Variants in SIK2 observed in about 807,000 individuals in gnomAD.
The protein encoded by SIK2 is serine/threonine-protein kinase SIK2.
In SIK2, 29 loss-of-function variants were observed where a neutral mutation model predicts 103.2. The observed-to-expected ratio is 0.28, with a 90% CI of 0.21 to 0.38. SIK2 has a LOEUF of 0.38. Ranked by LOEUF, SIK2 falls within the 10% of genes least tolerant of loss-of-function variation. The probability of loss-of-function intolerance (pLI) is 1.00; values close to 1 mark genes in which losing one functional copy is unlikely to be tolerated. For synonymous variants in SIK2, 412 were observed against 446.1 expected, an observed-to-expected ratio of 0.92 and a Z score of 0.96; for missense variants, 879 against 1,171.0, an observed-to-expected ratio of 0.75 and a Z score of 3.64.
At chr11:111,674,717 A>G (rs760025531) in intron 3 of SIK2, among the ~76,000 whole-genome samples, 1 of 152,186 alleles carries the variant, frequency 6.6e-6, no homozygotes, top group Non-Finnish European at 1.5e-5. Context: ...CAATATTGGA[A>G]ATTGTATACC....
intron 1 of SIK2, among the ~76,000 whole-genome samples, chr11:111,612,487 C>T (rs969196284): frequency 6.6e-6 from 1 of 152,156 alleles, no homozygotes; most frequent in East Asian, 1.9e-4. Context: ...TCTGGGCCTA[C>T]AGCTGGACTG....
At chr11:111,720,438 C>T (rs766787024) in intron 10 of SIK2, 40 bp from the exon 11 acceptor site, 2 of 1,546,168 alleles carry the variant, frequency 1.3e-6, no homozygotes, top group South Asian at 2.5e-5. Context: ...CAAGGAGATG[C>T]TATTGCTGTT....
At chr11:111,628,771 C>A (rs1335515565) in intron 3 of SIK2, among the ~76,000 whole-genome samples, 2 of 152,062 alleles carry the variant, frequency 1.3e-5, no homozygotes, top group African/African-American at 4.8e-5. Context: ...ACCTTCATTT[C>A]CCTAAATAAT....
At chr11:111,607,273 T>C (rs1198759434) in intron 1 of SIK2, among the ~76,000 whole-genome samples, 1 of 152,236 alleles carries the variant, frequency 6.6e-6, no homozygotes, top group East Asian at 1.9e-4. Flanking sequence ...ATTTGTTTGC[T>C]AAAAAGCTTT....
intron 3 of SIK2, among the ~76,000 whole-genome samples, chr11:111,644,837 T>C (rs1942234591): frequency 2.0e-5 from 3 of 152,228 alleles, no homozygotes; most frequent in Admixed American, 2.0e-4. Flanking sequence ...ACATAAGCAT[T>C]TTTTGAGTCA....
chr11:111,669,657 T>C (rs1439780681), intron 3 of SIK2, among the ~76,000 whole-genome samples: 4 of 150,720 alleles, frequency 2.7e-5, no homozygotes, highest in African/African-American at 9.8e-5. Flanking sequence ...ATAGACTGAG[T>C]TGGAAAACTT....
chr11:111,688,538 A>C lies in SIK2; in HGVS notation c.478+376A>C, dbSNP rs1565356093. Among the ~76,000 whole-genome samples the C allele has an allele frequency of 6.6e-6, 1 of 152,218 alleles. No homozygotes were observed. Among genetic ancestry groups the C allele is most frequent in the Non-Finnish European group, 1.5e-5 (1 of 68,038 alleles). On this transcript the variant is annotated intron_variant, in intron 4 of 14. Coordinates refer to ENST00000304987, the MANE Select transcript of SIK2 (RefSeq NM_015191.3). This position sits in a 1 kb window ranked among gnomAD's most constrained non-coding sequence, Gnocchi z 4.2. ...TCTCCTAATTATGACTGATGGCTAC[A>C]GCCAGAAGCAGAGAAAAGGCAAAAG...
chr11:111,675,651 A>G (rs1942693770), intron 3 of SIK2, among the ~76,000 whole-genome samples: 1 of 152,198 alleles, frequency 6.6e-6, no homozygotes, highest in Non-Finnish European at 1.5e-5. Context: ...TTGATTTACT[A>G]GTTAGCTAAC....
At chr11:111,694,924 C>A (rs1943034717) in intron 4 of SIK2, among the ~76,000 whole-genome samples, 1 of 152,190 alleles carries the variant, frequency 6.6e-6, no homozygotes, top group South Asian at 2.1e-4. Context: ...TCAGCAGGAT[C>A]ACATTTCATC....
chr11:111,614,550 A>G (rs1293527559), intron 1 of SIK2, among the ~76,000 whole-genome samples: 1 of 152,242 alleles, frequency 6.6e-6, no homozygotes, highest in Admixed American at 6.5e-5. Context: ...CAAGGAAAAT[A>G]CATTTATTAC....
intron 8 of SIK2, 136 bp from the exon 9 acceptor site, chr11:111,712,075 A>G (rs1430100562): frequency 4.3e-6 from 4 of 924,100 alleles, no homozygotes; most frequent in Non-Finnish European, 6.5e-6. Context: ...ATTTCACTAA[A>G]TCTTTCTGGA....
chr11:111,638,478 G>C (rs896090782), intron 3 of SIK2, among the ~76,000 whole-genome samples: 1 of 152,114 alleles, frequency 6.6e-6, no homozygotes, highest in Non-Finnish European at 1.5e-5. Context: ...CTGAGTCTTT[G>C]GGGCATTCTA....
chr11:111,625,575 A>G (rs1200263344), intron 3 of SIK2, among the ~76,000 whole-genome samples: 2 of 152,208 alleles, frequency 1.3e-5, no homozygotes, highest in African/African-American at 4.8e-5. Flanking sequence ...CCAAGTGACC[A>G]AAGTATTCTC....
At chr11:111,680,797 A>T (rs1221480385) in intron 3 of SIK2, among the ~76,000 whole-genome samples, 1 of 152,248 alleles carries the variant, frequency 6.6e-6, no homozygotes, top group Non-Finnish European at 1.5e-5. Flanking sequence ...TTTATTGAGC[A>T]TTTATTATGT....
chr11:111,615,676 T>G (rs1941796606), intron 1 of SIK2, among the ~76,000 whole-genome samples: 1 of 152,226 alleles, frequency 6.6e-6, no homozygotes, highest in South Asian at 2.1e-4. Flanking sequence ...AAAGTTAAAT[T>G]TTAGTGCAGT....
chr11:111,690,810 T>C (rs1942926917), intron 4 of SIK2, among the ~76,000 whole-genome samples: 1 of 152,220 alleles, frequency 6.6e-6, no homozygotes, highest in Non-Finnish European at 1.5e-5. Context: ...TATGTCTGCG[T>C]AGTATTCCAT....
chr11:111,698,879 T>G (rs957272754), intron 4 of SIK2, among the ~76,000 whole-genome samples: 2 of 152,234 alleles, frequency 1.3e-5, no homozygotes, highest in African/African-American at 2.4e-5. Flanking sequence ...TGCTGCTTTA[T>G]CCTGTGAGTG....
chr11:111,642,204 A>G (rs1346358596), intron 3 of SIK2, among the ~76,000 whole-genome samples: 2 of 152,152 alleles, frequency 1.3e-5, no homozygotes, highest in Non-Finnish European at 2.9e-5. Context: ...AATTCATTTC[A>G]ATTCTGATAC....
chr11:111,622,684 T>G (rs1941906779), intron 3 of SIK2, among the ~76,000 whole-genome samples: 1 of 146,870 alleles, frequency 6.8e-6, no homozygotes, highest in Non-Finnish European at 1.5e-5. Flanking sequence ...AGGTATAGAA[T>G]TCTAAATGGA....
Sources: allele counts gnomAD v4.1 joint callset (sites outside exome capture counted in the v4.1 genomes callset), GRCh38; gene constraint gnomAD v4.1.1; non-coding constraint Gnocchi (gnomAD v3.1); transcripts MANE v1.5; gene names NCBI Gene and HGNC (gene_info 2026-07-23, HGNC 2026-07-21).